CSMD1: variants seen among roughly 807,000 people sequenced by gnomAD.
CSMD1 encodes the protein CUB and sushi domain-containing protein 1.
CSMD1 carries 213 observed loss-of-function variants against 417.5 expected under a neutral mutation model. The ratio of observed to expected loss-of-function variants is 0.51; its 90% CI spans 0.46 to 0.57. The LOEUF (loss-of-function observed/expected upper bound fraction) is 0.57, where lower values mean the gene tolerates loss of function less well. Ranked by LOEUF, CSMD1 falls within the 20% of genes least tolerant of loss-of-function variation. The probability of loss-of-function intolerance (pLI) is 0.00; values close to 1 mark genes in which losing one functional copy is unlikely to be tolerated. For missense variants in CSMD1, 6,923 were observed against 4,529.7 expected (o/e 1.53, Z -15.17); for synonymous variants, 2,862 against 1,736.8 (o/e 1.65, Z -16.11).
At chr8:4,075,518 C>A (rs1363941896) in intron 3 of CSMD1, among the ~76,000 whole-genome samples, 1 of 152,100 alleles carries the variant, frequency 6.6e-6, no homozygotes, top group South Asian at 2.1e-4. Context: ...GAATTGATAA[C>A]TAAAAATGTC....
intron 5 of CSMD1, among the ~76,000 whole-genome samples, chr8:3,786,033 AGGAC>A (rs954618458): frequency 1.3e-5 from 2 of 152,132 alleles, no homozygotes; most frequent in African/African-American, 4.8e-5. Context: ...GAAAATTAGA[AGGAC>A]GGAAGAAGTG....
At chr8:3,927,952 T>A (rs1448763868) in intron 5 of CSMD1, among the ~76,000 whole-genome samples, 1 of 152,164 alleles carries the variant, frequency 6.6e-6, no homozygotes, top group Non-Finnish European at 1.5e-5. Flanking sequence ...TCTGTTAATT[T>A]CTTAAGTTCA....
intron 11 of CSMD1, among the ~76,000 whole-genome samples, chr8:3,486,668 G>A (rs1368990232): frequency 6.6e-6 from 1 of 152,228 alleles, no homozygotes; most frequent in Admixed American, 6.5e-5. Flanking sequence ...TGCAGCAGCA[G>A]CTGCCCTCGG....
chr8:4,934,581 A>C (rs1365675028), intron 1 of CSMD1, among the ~76,000 whole-genome samples: 1 of 152,166 alleles, frequency 6.6e-6, no homozygotes, highest in Non-Finnish European at 1.5e-5. Flanking sequence ...CAAAGAAAGG[A>C]CACAGGCCCA....
chr8:4,307,836 T>A (rs1227323334), intron 3 of CSMD1, among the ~76,000 whole-genome samples: 1 of 152,162 alleles, frequency 6.6e-6, no homozygotes, highest in African/African-American at 2.4e-5. Flanking sequence ...ATGATTTAAC[T>A]GTGGTGAAAC....
chr8:3,358,001 C>T (rs1280424816), intron 21 of CSMD1, among the ~76,000 whole-genome samples: 1 of 152,138 alleles, frequency 6.6e-6, no homozygotes, highest in Non-Finnish European at 1.5e-5. Context: ...ATAGCTTTAT[C>T]ATTTGAGTTA....
chr8:4,233,156 G>C (rs1230420886), intron 3 of CSMD1, among the ~76,000 whole-genome samples: 2 of 152,174 alleles, frequency 1.3e-5, no homozygotes, highest in African/African-American at 2.4e-5. Flanking sequence ...ACAATGACAT[G>C]CATTTTAATA....
chr8:4,053,895 A>G (rs1368892194), intron 3 of CSMD1, among the ~76,000 whole-genome samples: 1 of 152,232 alleles, frequency 6.6e-6, no homozygotes. Flanking sequence ...TAATTATCAT[A>G]AATAATAATT....
At chr8:4,554,771 G>A (rs994237788) in intron 2 of CSMD1, among the ~76,000 whole-genome samples, 2 of 152,186 alleles carry the variant, frequency 1.3e-5, no homozygotes. Flanking sequence ...TCATTGGCCA[G>A]GGAAACCCAT....
At chr8:4,178,429 C>G (rs1305755734) in intron 3 of CSMD1, among the ~76,000 whole-genome samples, 1 of 150,160 alleles carries the variant, frequency 6.7e-6, no homozygotes, top group Non-Finnish European at 1.5e-5. Flanking sequence ...TGGGACGTAT[C>G]TCAAAATAAT....
intron 6 of CSMD1, among the ~76,000 whole-genome samples, chr8:3,751,244 G>A (rs558797396): frequency 6.0e-5 from 9 of 150,916 alleles, no homozygotes; most frequent in African/African-American, 1.2e-4. Context: ...CCTTTTGACC[G>A]TTTTAGAATT....
intron 5 of CSMD1, among the ~76,000 whole-genome samples, chr8:3,946,878 G>C (rs765479965): frequency 6.6e-6 from 1 of 151,984 alleles, no homozygotes; most frequent in South Asian, 2.1e-4. Flanking sequence ...TGCTTGTATC[G>C]ATTTATATTG....
chr8:4,171,425 A>T, intron 3 of CSMD1, among the ~76,000 whole-genome samples: 1 of 151,890 alleles, frequency 6.6e-6, no homozygotes, highest in East Asian at 1.9e-4. Flanking sequence ...TTACTTTGTA[A>T]TACAATCAAT....
chr8:4,971,308 C>T (rs1810223119), intron 1 of CSMD1, among the ~76,000 whole-genome samples: 1 of 151,968 alleles, frequency 6.6e-6, no homozygotes, highest in Non-Finnish European at 1.5e-5. Flanking sequence ...CACATTCATG[C>T]TTAAATCATG....
rs116889809 is a variant in CSMD1 at position 3,848,353 on chromosome 8, G to A, written c.819-94311C>T. 5.7e-3 allele frequency among the ~76,000 whole-genome samples: 868 copies of A among 151,838 alleles called. 3 individuals are homozygous for A. Among genetic ancestry groups the A allele is most frequent in the Non-Finnish European group, 9.6e-3 (655 of 67,996 alleles). On this transcript the variant is annotated intron_variant, in intron 5 of 69. Transcript: ENST00000635120. ...AAAAGGAGCAATCTTATTAAAGAGA[G>A]TAACTAGAAAAAGACTCATTTTTTT...
intron 5 of CSMD1, among the ~76,000 whole-genome samples, chr8:3,786,214 T>C (rs992367731): frequency 3.4e-4 from 52 of 152,056 alleles, no homozygotes; most frequent in African/African-American, 1.2e-3. Flanking sequence ...TTGGGCACGT[T>C]GGGATCAAGG....
At chr8:4,551,283 A>G in intron 2 of CSMD1, among the ~76,000 whole-genome samples, 1 of 152,086 alleles carries the variant, frequency 6.6e-6, no homozygotes, top group South Asian at 2.1e-4. Flanking sequence ...CAACTGACTC[A>G]AGGCTGTATG....
chr8:4,038,738 G>A (rs574781804), intron 3 of CSMD1, among the ~76,000 whole-genome samples: 7 of 152,078 alleles, frequency 4.6e-5, no homozygotes, highest in African/African-American at 9.7e-5. Context: ...GGAATTCTGC[G>A]CCCAATGCAG....
intron 10 of CSMD1, among the ~76,000 whole-genome samples, chr8:3,524,443 G>T (rs954785962): frequency 7.2e-6 from 1 of 138,652 alleles, no homozygotes; most frequent in Admixed American, 7.2e-5. Flanking sequence ...GCATCTGCAC[G>T]CACACATGCA....
Sources: gnomAD v4.1 joint callset for allele counts (sites outside exome capture counted in the v4.1 genomes callset) on GRCh38, gnomAD v4.1.1 for gene constraint, MANE v1.5 for transcripts, NCBI Gene and HGNC (gene_info 2026-07-23, HGNC 2026-07-21) for gene names.